The following NOD2 variants were observed in gnomAD, a reference collection of about 807,000 sequenced individuals.
NOD2 encodes the protein nucleotide binding oligomerization domain containing 2, also known as nucleotide-binding oligomerization domain-containing protein 2.
NOD2 carries 86 observed loss-of-function variants against 90.9 expected under a neutral mutation model. The observed-to-expected ratio is 0.95, with a 90% CI of 0.79 to 1.13. NOD2 has a LOEUF of 1.13. Among genes scored for constraint, NOD2 ranks in the 50% most tolerant of loss-of-function variants. NOD2 has a pLI of 0.00. For synonymous variants in NOD2, 581 were observed against 554.6 expected (o/e 1.05, Z -0.67); for missense variants, 1,238 against 1,283.8 (o/e 0.96, Z 0.55).
intron 2 of NOD2, among the ~76,000 whole-genome samples, chr16:50,707,482 A>G (rs1050361679): frequency 6.6e-6 from 1 of 152,228 alleles, no homozygotes; most frequent in African/African-American, 2.4e-5. Flanking sequence ...AAGATGTGGG[A>G]GTCTGAGGAG....
At position 50,693,678 on chromosome 16, in the gene NOD2, A is replaced by C. The variant is rs1051552464; in HGVS notation, c.-9+16A>C. The C allele has an allele frequency of 6.6e-6, 1 of 152,226 alleles. No individual in the cohort carries two copies. The highest frequency in any genetic ancestry group is 1.9e-4 in the East Asian group (1 of 5,186). 9.4% of individuals were successfully genotyped at this position (152,226 alleles called of 1,614,324 possible). A position where few individuals can be genotyped will look rare whatever the true frequency, so the allele number is the denominator to read the frequency against. Reference sequence around the variant, plus strand: ...GCGGCTCGCGGTGAGTGCTGTGCCCAGCGCCTGGGGGTGGGCTGGGGGGAG... The same window carrying C: ...GCGGCTCGCGGTGAGTGCTGTGCCCCGCGCCTGGGGGTGGGCTGGGGGGAG... On this transcript the variant is annotated intron_variant, in intron 1 of 11. Transcript: ENST00000647318.
chr16:50,697,605 C>T (rs897208841), intron 1 of NOD2: 24 of 471,246 alleles, frequency 5.1e-5, no homozygotes, highest in African/African-American at 4.1e-4. Flanking sequence ...TGTCCTCGGC[C>T]ACCCCACCCT....
At chr16:50,727,229 C>T (rs922786722) in intron 10 of NOD2, among the ~76,000 whole-genome samples, 1 of 151,958 alleles carries the variant, frequency 6.6e-6, no homozygotes, top group African/African-American at 2.4e-5. Context: ...TACCCCTGCT[C>T]CACCATTACC....
At chr16:50,710,249 A>G (rs979929931) in intron 3 of NOD2, among the ~76,000 whole-genome samples, 1 of 152,180 alleles carries the variant, frequency 6.6e-6, no homozygotes, top group Admixed American at 6.5e-5. Context: ...TCTTTTGAGC[A>G]CTTACTTTGT....
intron 11 of NOD2, among the ~76,000 whole-genome samples, chr16:50,731,106 G>T (rs1306492542): frequency 6.6e-6 from 1 of 152,048 alleles, no homozygotes; most frequent in African/African-American, 2.4e-5. Context: ...GGAGTTCAAG[G>T]CTGCAGTGGG....
chr16:50,697,382 C>T (rs1331060574), intron 1 of NOD2: 1 of 1,418,122 alleles, frequency 7.1e-7, no homozygotes. Context: ...TTGGCCGCGA[C>T]ATGCTCCCAG....
At chr16:50,714,018 G>C (rs758378297) in intron 4 of NOD2, among the ~76,000 whole-genome samples, 1 of 152,204 alleles carries the variant, frequency 6.6e-6, no homozygotes, top group Non-Finnish European at 1.5e-5. Context: ...ATGATACTTT[G>C]AGTGGGAATT....
rs11292073 is a variant in NOD2 at position 50,723,085 on chromosome 16, T to TA, written c.2718-200dup. On this transcript the variant is annotated intron_variant, in intron 8 of 11. Transcript: ENST00000647318. ...ATCAATTAGTGATGTCTAAAAAAGCTAAAAAAAAAAAAAAAAGAGCACTGC... is the reference window on the plus strand; with the variant it reads ...ATCAATTAGTGATGTCTAAAAAAGCTAAAAAAAAAAAAAAAAAGAGCACTGC... 0.048 allele frequency among the ~76,000 whole-genome samples: 5,561 copies of TA among 116,872 alleles called. 391 individuals carry two copies. Among genetic ancestry groups the TA allele is most frequent in the African/African-American group, 0.16 (4,894 of 31,204 alleles). The allele number at this position is 116,872 out of a possible 152,430, so 76.7% of individuals were successfully genotyped here. A position where few individuals can be genotyped will look rare whatever the true frequency, so the allele number is the denominator to read the frequency against.
chr16:50,716,637 G>A lies in NOD2; in HGVS notation c.2432G>A (p.Cys811Tyr), dbSNP rs1964808708. 6.2e-7 allele frequency: 1 copy of A among 1,614,236 alleles called. No individual in the cohort carries two copies. The highest frequency in any genetic ancestry group is 2.2e-5 in the East Asian group (1 of 44,884). The stretch of plus-strand genomic sequence containing the variant: ...CGAGGCATCTGCAAGCTCATTGAAT[G>A]TGCTCTTCACTGCGAGCAATTGCAG... ...SDRGICKLIE[C>Y]ALHCEQLQKL... The change falls in exon 5 of 12, where the codon TGT becomes TAT. Residue 811 changes from cysteine to tyrosine, a missense_variant. By Grantham distance (194) the Cys-to-Tyr change is radical. Transcript: ENST00000647318.
rs1264576052 is a variant in NOD2, at chr16:50,693,612, G to C, written c.-59G>C. ...CGCAGCCCGAGCCGGAGCCGGAGCC[G>C]GGAGTCGTGGCCCGGAGTGGGCCTT... is the stretch of plus-strand genomic sequence containing the variant. On this transcript the variant is annotated 5_prime_UTR_variant, in exon 1 of 12. Transcript: ENST00000647318. 1 of 152,966 alleles carries C rather than the reference G, an allele frequency of 6.5e-6. No homozygotes were observed. Among genetic ancestry groups the C allele is most frequent in the Non-Finnish European group, 1.5e-5 (1 of 68,296 alleles). 9.5% of individuals were successfully genotyped at this position (152,966 alleles called of 1,614,324 possible).
In NOD2 at chr16:50,724,804, C is replaced by T. The variant is rs149879666; in HGVS notation, c.2802-685C>T. The stretch of plus-strand genomic sequence containing the variant: ...ATACCTCCATCTATAGAGGTTTAAA[C>T]AAGGAAAGGGTTTATTTTTTCCTGT... On this transcript the variant is annotated intron_variant, in intron 9 of 11. Transcript: ENST00000647318. 2.1e-4 allele frequency among the ~76,000 whole-genome samples: 32 copies of T among 152,260 alleles called. No individual in the cohort carries two copies. The East Asian group carries it at 5.8e-3, about 28-fold the overall frequency.
rs748068611 is a variant in NOD2 at position 50,711,219 on chromosome 16, G to A, written c.1227G>A (p.Lys409=). The part of the protein sequence containing the change: ...RPAAVSAFLR[K]YIRTEFNLKG... ...CCGCTGTGTCGGCGTTCCTCAGGAA[G>A]TACATCCGCACCGAGTTCAACCTCA... The change falls in exon 4 of 12, where the codon AAG becomes AAA. Residue 409 remains lysine (K), a synonymous_variant. Transcript: ENST00000647318. 18 of 1,613,944 alleles carry A rather than the reference G, an allele frequency of 1.1e-5. No homozygotes were observed. The highest frequency in any genetic ancestry group is 1.7e-6 in the Non-Finnish European group (2 of 1,180,050).
chr16:50,717,521 C>G, intron 6 of NOD2, among the ~76,000 whole-genome samples: 1 of 152,210 alleles, frequency 6.6e-6, no homozygotes, highest in East Asian at 1.9e-4. Flanking sequence ...GTTGGCCTGG[C>G]TTCTCTCTCC....
rs749449192 is a variant in NOD2 at position 50,716,887 on chromosome 16, A to G, written c.2466-4A>G. On this transcript the variant is annotated splice_region_variant and splice_polypyrimidine_tract_variant and intron_variant, in intron 5 of 11. Coordinates refer to ENST00000647318, the MANE Select transcript of NOD2 (RefSeq NM_001370466.1). ...TGTGTCTCCTCTCTTCTGGAACTGA[A>G]CAGTCTATTCAACAACAAATTGACT... The G allele has an allele frequency of 1.2e-6, 2 of 1,613,702 alleles. No individual in the cohort carries two copies. Among genetic ancestry groups the G allele is most frequent in the South Asian group, 1.1e-5 (1 of 91,066 alleles).
At chr16:50,716,839 C>T (rs368178268) in intron 5 of NOD2, 52 bp from the exon 6 acceptor site, 212 of 1,571,108 alleles carry the variant, frequency 1.3e-4, no homozygotes, top group Non-Finnish European at 1.8e-4. Context: ...ATTTGGTGCT[C>T]ACTGTCCAAT....
At chr16:50,705,951 T>G (rs1489144464) in intron 2 of NOD2, among the ~76,000 whole-genome samples, 1 of 152,116 alleles carries the variant, frequency 6.6e-6, no homozygotes, top group Non-Finnish European at 1.5e-5. Flanking sequence ...AATTACAGCG[T>G]GTGCTAGAAG....
intron 2 of NOD2, among the ~76,000 whole-genome samples, chr16:50,707,516 C>T (rs773272416): frequency 4.6e-5 from 7 of 152,222 alleles, no homozygotes; most frequent in Non-Finnish European, 8.8e-5. Context: ...ATATTCAATC[C>T]ATGAGACTTG....
chr16:50,695,033 G>A (rs1253041983), intron 1 of NOD2, among the ~76,000 whole-genome samples: 1 of 152,028 alleles, frequency 6.6e-6, no homozygotes, highest in African/African-American at 2.4e-5. Context: ...ATGAGTATCT[G>A]GGGGGCTGGG....
At chr16:50,722,577 C>G (rs1965106204) in intron 7 of NOD2, 45 bp from the exon 8 acceptor site, 3 of 1,537,542 alleles carry the variant, frequency 2.0e-6, no homozygotes, top group Non-Finnish European at 2.7e-6. Flanking sequence ...GAACACATAT[C>G]AGGTACTCAC....
Sources: allele counts gnomAD v4.1 joint callset (sites outside exome capture counted in the v4.1 genomes callset), GRCh38; gene constraint gnomAD v4.1.1; transcripts MANE v1.5; gene names NCBI Gene and HGNC (gene_info 2026-07-23, HGNC 2026-07-21).